The following MYO5B variants were observed in gnomAD, a reference collection of about 807,000 sequenced individuals.
The protein encoded by MYO5B is myosin VB.
Under a neutral mutation model 229.3 loss-of-function variants are expected in MYO5B, and 143 were observed. The ratio of observed to expected loss-of-function variants is 0.62; its 90% confidence interval spans 0.54 to 0.72. The LOEUF is 0.72. Among genes scored for constraint, MYO5B ranks in the 30% least tolerant of loss-of-function variants. The pLI is 0.00. For missense variants in MYO5B, 2,321 were observed against 2,331.0 expected (o/e 1.00, Z 0.09); for synonymous variants, 918 against 885.2 (o/e 1.04, Z -0.66).
intron 39 of MYO5B, among the ~76,000 whole-genome samples, chr18:49,829,070 C>CA (rs1281239138): frequency 2.9e-5 from 4 of 135,790 alleles, no homozygotes; most frequent in Non-Finnish European, 6.1e-5. Flanking sequence ...AAAGTTGGTT[C>CA]AAAAAATTGA....
Position 49,847,183 on chromosome 18 carries a change from T to C in MYO5B, c.4422A>G (p.Lys1474=), listed in dbSNP as rs1483171322. 12 of 1,614,138 alleles carry C rather than the reference T, an allele frequency of 7.4e-6. No individual in the cohort carries two copies. The highest frequency in any genetic ancestry group is 1.7e-4 in the Middle Eastern group (1 of 6,048). Residue 1474 remains lysine (K), a synonymous_variant, in exon 33 of 40, where the codon AAA becomes AAG. Transcript: ENST00000285039. ...KDFQGMLEYH[K]EDEALLIRNL... Reference sequence around the variant, plus strand: ...TCCGGATGAGGAGGGCCTCGTCCTCTTTGTGGTACTCCAGCATGCCCTGGA... The same window carrying C: ...TCCGGATGAGGAGGGCCTCGTCCTCCTTGTGGTACTCCAGCATGCCCTGGA...
intron 1 of MYO5B, among the ~76,000 whole-genome samples, chr18:50,137,803 G>GA (rs1259982370): frequency 3.9e-5 from 6 of 152,204 alleles, no homozygotes. Context: ...ATGCAGCTAT[G>GA]AAAATTGAGA....
At chr18:49,921,767 A>G (rs1208421720) in intron 17 of MYO5B, among the ~76,000 whole-genome samples, 1 of 152,194 alleles carries the variant, frequency 6.6e-6, no homozygotes, top group East Asian at 1.9e-4. Context: ...ACTCTGCCGA[A>G]AAAGCCCTCT....
At chr18:50,143,682 G>A (rs767754625) in intron 1 of MYO5B, among the ~76,000 whole-genome samples, 1 of 152,206 alleles carries the variant, frequency 6.6e-6, no homozygotes, top group Non-Finnish European at 1.5e-5. Context: ...ATAGAAGGCA[G>A]GCATTTGTTA....
chr18:49,853,924 T>A (rs1362478151), intron 30 of MYO5B, among the ~76,000 whole-genome samples: 1 of 152,190 alleles, frequency 6.6e-6, no homozygotes, highest in Non-Finnish European at 1.5e-5. Context: ...TGAGCATAGT[T>A]TAATGGTTTG....
In MYO5B at chr18:50,067,584, C is replaced by T. The variant is rs183413328; in HGVS notation, c.28-12206G>A. 3.0e-3 allele frequency among the ~76,000 whole-genome samples: 460 copies of T among 152,250 alleles called. 3 individuals are homozygous for T. The highest frequency in any genetic ancestry group is 3.8e-3 in the Non-Finnish European group (259 of 68,024). On this transcript the variant is annotated intron_variant, in intron 1 of 39. Coordinates refer to ENST00000285039, the MANE Select transcript of MYO5B (RefSeq NM_001080467.3). ...CAGACCCCTGATGAATAGATTAATG[C>T]CCTCCAGGGTGGAAGGCAGTGAGTT...
chr18:50,120,819 G>T (rs1450381771), intron 1 of MYO5B, among the ~76,000 whole-genome samples: 1 of 152,194 alleles, frequency 6.6e-6, no homozygotes, highest in African/African-American at 2.4e-5. Context: ...ACCTTCACAA[G>T]AGCAGCTGAT....
At chr18:49,999,028 G>A (rs959249336) in intron 5 of MYO5B, among the ~76,000 whole-genome samples, 1 of 152,186 alleles carries the variant, frequency 6.6e-6, no homozygotes, top group African/African-American at 2.4e-5. Flanking sequence ...TGATAAAATT[G>A]TAAAAAATTT....
Position 49,963,046 on chromosome 18 carries a change from A to G in MYO5B, c.1323-16T>C, listed in dbSNP as rs2025578551. On this transcript the variant is annotated splice_polypyrimidine_tract_variant and intron_variant, in intron 10 of 39. Transcript: ENST00000285039. ...TGTCTCAAACCTACAGAATGGAAAGAGAAGATAAGAGACGTCTCCTTTCAA... is the reference window on the plus strand; with the variant it reads ...TGTCTCAAACCTACAGAATGGAAAGGGAAGATAAGAGACGTCTCCTTTCAA... The G allele has an allele frequency of 6.2e-7, 1 of 1,604,648 alleles. No homozygotes were observed.
intron 27 of MYO5B, among the ~76,000 whole-genome samples, chr18:49,866,868 TCAGAGGGGTAGGGC>T (rs1221492892): frequency 1.3e-5 from 2 of 152,032 alleles, no homozygotes; most frequent in Non-Finnish European, 2.9e-5. Flanking sequence ...ATCCACTGAC[TCAGAGGGGTAGGGC>T]CAGAGGGTAA....
At chr18:49,936,721 G>A (rs968039612) in intron 15 of MYO5B, among the ~76,000 whole-genome samples, 3 of 152,248 alleles carry the variant, frequency 2.0e-5, no homozygotes, top group African/African-American at 7.2e-5. Context: ...CCTGACATCC[G>A]ATGCCTGGGT....
intron 14 of MYO5B, among the ~76,000 whole-genome samples, chr18:49,945,989 T>C (rs1164898437): frequency 6.6e-6 from 1 of 152,174 alleles, no homozygotes; most frequent in Non-Finnish European, 1.5e-5. Context: ...TTCTAATTCA[T>C]ATACTTTCTG....
intron 5 of MYO5B, among the ~76,000 whole-genome samples, chr18:49,997,216 G>A (rs1052327126): frequency 1.1e-4 from 16 of 141,706 alleles, no homozygotes; most frequent in South Asian, 2.2e-4. Flanking sequence ...TGCAGTGATC[G>A]TGTTCATGCC....
intron 19 of MYO5B, 65 bp from the exon 20 acceptor site, chr18:49,904,893 C>G (rs1413428541): frequency 1.3e-6 from 2 of 1,572,566 alleles, no homozygotes; most frequent in Non-Finnish European, 1.7e-6. Context: ...TGCAGAGAAC[C>G]CTGAGACATC....
chr18:50,087,089 C>T (rs567706516), intron 1 of MYO5B, among the ~76,000 whole-genome samples: 12 of 152,322 alleles, frequency 7.9e-5, no homozygotes, highest in African/African-American at 2.9e-4. Flanking sequence ...GGACACTCCT[C>T]AATACCAGAA....
rs144703249 is a variant in MYO5B at position 50,165,567 on chromosome 18, C to G, written c.27+29200G>C. On this transcript the variant is annotated intron_variant, in intron 1 of 39. Transcript: ENST00000285039. The stretch of plus-strand genomic sequence containing the variant: ...AAGGCAGGCGGATCACTTAAGGTCA[C>G]GAGTTCAAGACCAGTCTGGCCAATA... Among the ~76,000 whole-genome samples the G allele has an allele frequency of 1.2e-3, 186 of 152,232 alleles. 1 individual carries two copies. The highest frequency in any genetic ancestry group is 4.3e-3 in the African/African-American group (178 of 41,542).
intron 1 of MYO5B, among the ~76,000 whole-genome samples, chr18:50,149,936 G>C (rs1039132125): frequency 9.0e-5 from 13 of 143,846 alleles, no homozygotes; most frequent in African/African-American, 2.8e-4. Context: ...CTACTCATCT[G>C]ACAAAGGGCT....
At chr18:49,941,106 T>G (rs537314435) in intron 14 of MYO5B, among the ~76,000 whole-genome samples, 1 of 152,346 alleles carries the variant, frequency 6.6e-6, no homozygotes, top group Admixed American at 6.5e-5. Flanking sequence ...TGCACCTACA[T>G]GGACAATCAT....
At chr18:50,126,477 C>T (rs959151197) in intron 1 of MYO5B, 1 of 154,846 alleles carries the variant, frequency 6.5e-6, no homozygotes, top group African/African-American at 2.4e-5. Context: ...CACAGGGGAC[C>T]ACAAAGTGGG....
Sources: allele counts gnomAD v4.1 joint callset (sites outside exome capture counted in the v4.1 genomes callset), GRCh38; gene constraint gnomAD v4.1.1; transcripts MANE v1.5; gene names NCBI Gene and HGNC (gene_info 2026-07-23, HGNC 2026-07-21).